LGR5: variants seen among roughly 807,000 people sequenced by gnomAD.
LGR5 encodes the protein leucine-rich repeat-containing G protein-coupled receptor 5.
LGR5 carries 54 observed loss-of-function variants against 76.7 expected under a neutral mutation model. The ratio of observed to expected loss-of-function variants is 0.70; its 90% CI spans 0.57 to 0.88. LGR5 has a LOEUF of 0.88. Among genes scored for constraint, LGR5 ranks in the 40% least tolerant of loss-of-function variants. The pLI, the probability that LGR5 is intolerant of heterozygous loss-of-function variation, is 0.00. For missense variants in LGR5, 1,078 were observed against 1,073.3 expected (o/e 1.00, Z -0.06); for synonymous variants, 406 against 421.9 (o/e 0.96, Z 0.46).
intron 6 of LGR5, among the ~76,000 whole-genome samples, chr12:71,558,063 G>T (rs986190066): frequency 4.6e-5 from 7 of 152,128 alleles, no homozygotes; most frequent in Non-Finnish European, 8.8e-5. Flanking sequence ...TCTTTCCAGG[G>T]TTAAGTCACC....
At chr12:71,570,299 A>G (rs1480725380) in intron 11 of LGR5, among the ~76,000 whole-genome samples, 8 of 152,156 alleles carry the variant, frequency 5.3e-5, no homozygotes, top group African/African-American at 1.9e-4. Flanking sequence ...CTGCACATGT[A>G]CCCCAGAATT....
chr12:71,440,022 T>A lies in LGR5; in HGVS notation c.-59T>A. On this transcript the variant is annotated 5_prime_UTR_variant, in exon 1 of 18. Transcript: ENST00000266674. This position sits in a 1 kb window ranked among gnomAD's most constrained non-coding sequence, Gnocchi z 5.3. ...GCGGCGCCCGGCGCGCCACGGCCCG[T>A]AGCAGTCCGGTGCTGCTCTCCGCCC... The A allele has an allele frequency of 6.5e-7, 1 of 1,536,180 alleles. No individual in the cohort carries two copies. The highest frequency in any genetic ancestry group is 1.1e-5 in the South Asian group (1 of 89,496).
chr12:71,545,987 G>T (rs1334207904), intron 4 of LGR5, among the ~76,000 whole-genome samples: 1 of 152,094 alleles, frequency 6.6e-6, no homozygotes, highest in Non-Finnish European at 1.5e-5. Context: ...TAAACACAAA[G>T]AAAATGAGCT....
chr12:71,559,654 T>G lies in LGR5; in HGVS notation c.785T>G (p.Leu262Arg). The change falls in exon 7 of 18, where the codon CTA (leucine) becomes CGA (arginine). Residue 262 changes from leucine (L) to arginine (R), a missense_variant and splice_region_variant. By Grantham distance (102) the Leu-to-Arg change is moderately radical. Coordinates refer to ENST00000266674, the MANE Select transcript of LGR5 (RefSeq NM_003667.4). ...AIRTLSNLKE[L>R]GFHSNNIRSI... ...AGGACACTCTCCAACCTTAAAGAAC[T>G]GTAAGTATTTAGGACAATTTTAATG... 6.7e-7 allele frequency: 1 copy of G among 1,489,942 alleles called. No homozygotes were observed. Among genetic ancestry groups the G allele is most frequent in the Non-Finnish European group, 9.4e-7 (1 of 1,068,964 alleles). 92.3% of individuals were successfully genotyped at this position (1,489,942 alleles called of 1,614,324 possible). A position where few individuals can be genotyped will look rare whatever the true frequency, so the allele number is the denominator to read the frequency against.
chr12:71,535,161 C>T lies in LGR5; in HGVS notation c.403C>T (p.Gln135Ter). ...AAGACACGTACCCACAGAAGCTCTG[C>T]AGAATTTGCGAAGCCTTCAATCCCT... ...QLRHVPTEALQNLRSLQSLRL... is the reference protein window; with the variant it reads ...QLRHVPTEAL Residue 135 changes from glutamine (Q) to a stop codon, truncating the protein, a stop_gained, in exon 4 of 18, where the codon CAG becomes TAG. Coordinates refer to ENST00000266674, the MANE Select transcript of LGR5 (RefSeq NM_003667.4). LOFTEE classifies it high-confidence loss of function. 6.2e-7 allele frequency: 1 copy of T among 1,611,320 alleles called. No homozygotes were observed.
chr12:71,454,053 G>A, intron 1 of LGR5, among the ~76,000 whole-genome samples: 1 of 152,058 alleles, frequency 6.6e-6, no homozygotes, highest in East Asian at 1.9e-4. Context: ...ATCCACAGGG[G>A]AGAAGAGAGC....
chr12:71,460,579 A>AATGC (rs1872646619), intron 1 of LGR5, among the ~76,000 whole-genome samples: 2 of 152,122 alleles, frequency 1.3e-5, no homozygotes, highest in Admixed American at 1.3e-4. Flanking sequence ...CATTTTAGTG[A>AATGC]ATGCATCCCC....
At chr12:71,459,310 A>T (rs956756987) in intron 1 of LGR5, among the ~76,000 whole-genome samples, 3 of 152,136 alleles carry the variant, frequency 2.0e-5, no homozygotes, top group African/African-American at 7.2e-5. Context: ...AAATACAATT[A>T]TGAATTCATT....
intron 7 of LGR5, among the ~76,000 whole-genome samples, chr12:71,560,212 T>C (rs1422803004): frequency 6.6e-6 from 1 of 152,248 alleles, no homozygotes; most frequent in Admixed American, 6.5e-5. Context: ...TAGTCTAATG[T>C]TGGCCAGAAG....
At chr12:71,454,956 TG>T (rs1162820772) in intron 1 of LGR5, among the ~76,000 whole-genome samples, 2 of 151,720 alleles carry the variant, frequency 1.3e-5, no homozygotes, top group Admixed American at 1.3e-4. Flanking sequence ...ATCACTACGG[TG>T]CAGGGGAAAA....
intron 1 of LGR5, among the ~76,000 whole-genome samples, chr12:71,480,093 G>A (rs1592475718): frequency 6.6e-6 from 1 of 152,122 alleles, no homozygotes; most frequent in Non-Finnish European, 1.5e-5. Flanking sequence ...GCTGGGTGCC[G>A]TAGCTAATGC....
At chr12:71,541,258 A>G (rs1156279483) in intron 4 of LGR5, among the ~76,000 whole-genome samples, 1 of 152,232 alleles carries the variant, frequency 6.6e-6, no homozygotes, top group African/African-American at 2.4e-5. Context: ...ACAGAATCAT[A>G]TAAGGAGGGA....
At chr12:71,451,284 A>C (rs1295222667) in intron 1 of LGR5, among the ~76,000 whole-genome samples, 1 of 152,204 alleles carries the variant, frequency 6.6e-6, no homozygotes, top group Non-Finnish European at 1.5e-5. Context: ...GCTTGGGACA[A>C]GAGGAGGTTA....
chr12:71,442,212 G>T (rs1356605498), intron 1 of LGR5, among the ~76,000 whole-genome samples: 2 of 152,220 alleles, frequency 1.3e-5, no homozygotes, highest in South Asian at 4.1e-4. Flanking sequence ...TTAGGCTTCC[G>T]TTACTAAAAG....
At chr12:71,580,551 T>TG in intron 16 of LGR5, 128 bp downstream of exon 16, 1 of 914,040 alleles carries the variant, frequency 1.1e-6, no homozygotes, top group Non-Finnish European at 1.7e-6. Flanking sequence ...ATCCCAACAG[T>TG]TTGGGAGGCC....
In LGR5 at chr12:71,529,623, T is replaced by C. The variant is rs540181756; in HGVS notation, c.356+5146T>C. On this transcript the variant is annotated intron_variant, in intron 3 of 17. Transcript: ENST00000266674. ...CATTCTCATACAGAATGGCTTTTGA[T>C]CACGTTATTTTTCTCACACCCAACC... 3.0e-4 allele frequency among the ~76,000 whole-genome samples: 45 copies of C among 152,228 alleles called. 1 individual carries two copies. In the South Asian group the frequency reaches 9.1e-3, roughly 31 times the overall value.
intron 1 of LGR5, among the ~76,000 whole-genome samples, chr12:71,451,330 C>A (rs763551296): frequency 1.3e-5 from 2 of 152,160 alleles, no homozygotes; most frequent in Non-Finnish European, 2.9e-5. Context: ...TTGCAGCTTA[C>A]AATGTATGGA....
At chr12:71,478,521 C>T (rs1469512144) in intron 1 of LGR5, among the ~76,000 whole-genome samples, 1 of 152,150 alleles carries the variant, frequency 6.6e-6, no homozygotes, top group African/African-American at 2.4e-5. Context: ...AAACTGTTTA[C>T]TTGAAATTGA....
At chr12:71,442,870 G>A (rs1218846336) in intron 1 of LGR5, among the ~76,000 whole-genome samples, 1 of 152,158 alleles carries the variant, frequency 6.6e-6, no homozygotes, top group Non-Finnish European at 1.5e-5. Flanking sequence ...AAATAAATGA[G>A]TATGTGTTCT....
Sources: allele counts gnomAD v4.1 joint callset (sites outside exome capture counted in the v4.1 genomes callset), GRCh38; gene constraint gnomAD v4.1.1; non-coding constraint Gnocchi (gnomAD v3.1); transcripts MANE v1.5; gene names NCBI Gene and HGNC (gene_info 2026-07-23, HGNC 2026-07-21).